SCAI: variants seen among roughly 807,000 people sequenced by gnomAD.
SCAI encodes the protein protein SCAI.
SCAI carries 24 observed loss-of-function variants against 92.2 expected under a neutral mutation model. The ratio of observed to expected loss-of-function variants is 0.26; its 90% CI spans 0.19 to 0.37. The LOEUF (loss-of-function observed/expected upper bound fraction) is 0.37, where lower values mean the gene tolerates loss of function less well. SCAI is among the 10% of genes least tolerant of loss of function. SCAI has a pLI of 1.00. For missense variants in SCAI, 450 were observed against 736.2 expected (o/e 0.61, Z 4.50); for synonymous variants, 261 against 258.6 (o/e 1.01, Z -0.09).
At chr9:125,066,516 C>A (rs1431994556) in intron 2 of SCAI, among the ~76,000 whole-genome samples, 1 of 151,288 alleles carries the variant, frequency 6.6e-6, no homozygotes, top group Non-Finnish European at 1.5e-5. Flanking sequence ...AGTGCAGTGG[C>A]ATGATCTCAG....
At chr9:124,989,019 A>T (rs1358698002) in intron 14 of SCAI, among the ~76,000 whole-genome samples, 3 of 152,116 alleles carry the variant, frequency 2.0e-5, no homozygotes, top group Non-Finnish European at 4.4e-5. Context: ...CATGCCTGTA[A>T]TCCCAGCTAC....
intron 2 of SCAI, among the ~76,000 whole-genome samples, chr9:125,099,483 T>C (rs1834634773): frequency 6.6e-6 from 1 of 152,162 alleles, no homozygotes; most frequent in South Asian, 2.1e-4. Flanking sequence ...GGTTTTGCCA[T>C]GTTGGCCACG....
In SCAI at chr9:124,967,578, T is replaced by C. The variant is rs528835195; in HGVS notation, c.1674+3792A>G. On this transcript the variant is annotated intron_variant, in intron 17 of 17. Transcript: ENST00000336505. ...GCTCATGAAAATGGCTTTTTTTTCC[T>C]CCTTTCTTGTCATTGGAAGTTTTTT... is the stretch of plus-strand genomic sequence containing the variant. Among the ~76,000 whole-genome samples, 4 of 152,206 alleles carry C rather than the reference T, an allele frequency of 2.6e-5. No individual in the cohort carries two copies. The East Asian group carries it at 5.8e-4, about 22-fold the overall frequency.
intron 3 of SCAI, among the ~76,000 whole-genome samples, chr9:125,040,620 TTTTG>T (rs146742334): frequency 0.039 from 5,878 of 151,832 alleles, 300 homozygotes; most frequent in East Asian, 0.23. Context: ...TTTTTCCCTG[TTTTG>T]TTTATTTATT....
intron 9 of SCAI, among the ~76,000 whole-genome samples, chr9:125,015,840 C>T (rs1832745244): frequency 6.6e-6 from 1 of 151,982 alleles, no homozygotes; most frequent in Non-Finnish European, 1.5e-5. Context: ...CCATGGAATA[C>T]TATGCGGCCA....
intron 6 of SCAI, 114 bp from the exon 7 acceptor site, chr9:125,020,883 A>G: frequency 1.9e-6 from 1 of 535,358 alleles, no homozygotes. Context: ...ACAATTATAA[A>G]CATTCCCACA....
chr9:125,109,230 C>T (rs1279811422), intron 2 of SCAI, among the ~76,000 whole-genome samples: 1 of 152,154 alleles, frequency 6.6e-6, no homozygotes, highest in Non-Finnish European at 1.5e-5. Flanking sequence ...CGGAAGGCCG[C>T]AGGGTCCTCT....
rs75049895 is a variant in SCAI, at chr9:125,027,865, C to T, written c.413+527G>A. ...GGTCCAAGCCTTTTTTATTGTATACCTGATTATCACTTCAGGATGATGACA... is the reference window on the plus strand; with the variant it reads ...GGTCCAAGCCTTTTTTATTGTATACTTGATTATCACTTCAGGATGATGACA... On this transcript the variant is annotated intron_variant, in intron 5 of 17. Coordinates refer to ENST00000336505, the MANE Select transcript of SCAI (RefSeq NM_001144877.3). Among the ~76,000 whole-genome samples, 203 of 152,270 alleles carry T rather than the reference C, an allele frequency of 1.3e-3. 4 individuals carry two copies. In the East Asian group the frequency reaches 0.033, roughly 25 times the overall value.
At chr9:124,968,768 G>T in intron 17 of SCAI, 1 of 1,000,608 alleles carries the variant, frequency 1.0e-6, no homozygotes, top group Non-Finnish European at 1.6e-6. Context: ...AACTGGCATG[G>T]TGGGGTGCGC....
intron 9 of SCAI, among the ~76,000 whole-genome samples, chr9:125,012,811 G>A (rs1832668199): frequency 6.6e-6 from 1 of 152,100 alleles, no homozygotes; most frequent in Non-Finnish European, 1.5e-5. Context: ...TAAAAGATCA[G>A]AAATTATAAC....
intron 3 of SCAI, among the ~76,000 whole-genome samples, chr9:125,036,597 G>A (rs1302667429): frequency 6.6e-6 from 1 of 152,052 alleles, no homozygotes; most frequent in African/African-American, 2.4e-5. Context: ...TAAAACTCAT[G>A]TTTTTTAAAT....
Sources: allele counts gnomAD v4.1 joint callset (sites outside exome capture counted in the v4.1 genomes callset), GRCh38; gene constraint gnomAD v4.1.1; transcripts MANE v1.5; gene names NCBI Gene and HGNC (gene_info 2026-07-23, HGNC 2026-07-21).